PHF14: variants seen among roughly 807,000 people sequenced by gnomAD.
PHF14 encodes PHD finger protein 14.
Under a neutral mutation model 117.9 loss-of-function variants are expected in PHF14, and 55 were observed. The observed-to-expected ratio is 0.47, with a 90% CI of 0.38 to 0.58. PHF14 has a LOEUF of 0.58. PHF14 is among the 20% of genes least tolerant of loss of function. The probability of loss-of-function intolerance (pLI) is 0.00; values close to 1 mark genes in which losing one functional copy is unlikely to be tolerated. For synonymous variants in PHF14, 409 were observed against 368.6 expected (o/e 1.11, Z -1.26); for missense variants, 978 against 1,122.2 (o/e 0.87, Z 1.84).
intron 4 of PHF14, among the ~76,000 whole-genome samples, chr7:11,003,103 G>A (rs1299896920): frequency 1.3e-5 from 2 of 152,146 alleles, no homozygotes; most frequent in Non-Finnish European, 2.9e-5. Flanking sequence ...ACCACACCCA[G>A]CTAATTTCTG....
At chr7:11,073,521 C>G (rs1312099440) in intron 16 of PHF14, among the ~76,000 whole-genome samples, 1 of 152,186 alleles carries the variant, frequency 6.6e-6, no homozygotes, top group Admixed American at 6.5e-5. Flanking sequence ...GATTCAGCCC[C>G]CTTGGCTGCT....
chr7:10,983,830 G>T (rs900525123), intron 3 of PHF14, among the ~76,000 whole-genome samples: 1 of 152,146 alleles, frequency 6.6e-6, no homozygotes, highest in African/African-American at 2.4e-5. Flanking sequence ...CAAAACTGCA[G>T]TAATGGCTCA....
chr7:11,123,366 A>G (rs2128346732), intron 17 of PHF14, among the ~76,000 whole-genome samples: 1 of 152,296 alleles, frequency 6.6e-6, no homozygotes, highest in South Asian at 2.1e-4. Context: ...TAAGTAGTTT[A>G]ACTGACATTT....
At chr7:11,167,958 G>A (rs922924707) in intron 17 of PHF14, among the ~76,000 whole-genome samples, 1 of 151,314 alleles carries the variant, frequency 6.6e-6, no homozygotes, top group African/African-American at 2.4e-5. Context: ...CCTGGGAGGC[G>A]GAGCTTGCAG....
intron 17 of PHF14, among the ~76,000 whole-genome samples, chr7:11,147,307 G>A (rs971926566): frequency 1.9e-4 from 29 of 152,292 alleles, no homozygotes; most frequent in Admixed American, 1.3e-3. Context: ...GCTCAAGGCC[G>A]TCAGGAGTGA....
At chr7:11,056,590 C>G (rs1327548067) in intron 14 of PHF14, among the ~76,000 whole-genome samples, 1 of 151,940 alleles carries the variant, frequency 6.6e-6, no homozygotes, top group Admixed American at 6.6e-5. Flanking sequence ...CCAACAGAAA[C>G]AGATGACACC....
chr7:11,118,510 G>A (rs555433136), intron 17 of PHF14, among the ~76,000 whole-genome samples: 6 of 151,376 alleles, frequency 4.0e-5, no homozygotes, highest in African/African-American at 1.5e-4. Context: ...AATTATAGTT[G>A]GTACTTTGCT....
Position 11,091,583 on chromosome 7 carries a change from C to A in PHF14, c.2655-19767C>A, listed in dbSNP as rs142380251. 9.7e-3 allele frequency among the ~76,000 whole-genome samples: 1,467 copies of A among 151,954 alleles called. 20 individuals are homozygous for A. Among genetic ancestry groups the A allele is most frequent in the African/African-American group, 0.034 (1,392 of 41,420 alleles). On this transcript the variant is annotated intron_variant, in intron 16 of 17. Coordinates refer to ENST00000634607, the MANE Select transcript of PHF14 (RefSeq NM_001007157.2). ...CCAGCCTGGGCAAAATGGTGAAACC[C>A]GTCTCTACTAAAAATACAAGAATTA...
At chr7:11,090,007 G>A (rs1469846150) in intron 16 of PHF14, among the ~76,000 whole-genome samples, 3 of 152,174 alleles carry the variant, frequency 2.0e-5, no homozygotes, top group African/African-American at 7.2e-5. Context: ...CTGACCTCAG[G>A]TGATTCGCCC....
chr7:11,093,011 T>G (rs1264079747), intron 16 of PHF14, among the ~76,000 whole-genome samples: 15 of 152,208 alleles, frequency 9.9e-5, no homozygotes, highest in Admixed American at 9.8e-4. Flanking sequence ...GTGATCTGTT[T>G]TCACTATAGT....
intron 17 of PHF14, among the ~76,000 whole-genome samples, chr7:11,120,673 G>A (rs545810589): frequency 2.6e-5 from 4 of 151,822 alleles, no homozygotes; most frequent in Admixed American, 1.3e-4. Flanking sequence ...TAAATGTACT[G>A]TAGTTAGTAC....
rs116865317 is a variant in PHF14 at position 11,085,670 on chromosome 7, G to C, written c.2654+23585G>C. On this transcript the variant is annotated intron_variant, in intron 16 of 17. Transcript: ENST00000634607. ...TTTTTTTCCTTTTTTTTGAGACAGT[G>C]TCTCACTGTGTTACCCAGGCTGGAG... Among the ~76,000 whole-genome samples the C allele has an allele frequency of 9.9e-3, 1,510 of 151,858 alleles. 16 individuals are homozygous for C. Among genetic ancestry groups the C allele is most frequent in the Non-Finnish European group, 0.016 (1,106 of 67,940 alleles).
intron 17 of PHF14, among the ~76,000 whole-genome samples, chr7:11,134,501 T>C (rs920818861): frequency 6.6e-6 from 1 of 152,068 alleles, no homozygotes; most frequent in African/African-American, 2.4e-5. Flanking sequence ...AAATTGATTT[T>C]ACAGCCACTT....
At chr7:11,137,948 C>G (rs1489740959) in intron 17 of PHF14, among the ~76,000 whole-genome samples, 2 of 151,866 alleles carry the variant, frequency 1.3e-5, no homozygotes, top group African/African-American at 4.8e-5. Context: ...TAGCTCTTTC[C>G]TTGTATAAAG....
chr7:11,049,127 T>G (rs887838484), intron 13 of PHF14, among the ~76,000 whole-genome samples: 5 of 152,142 alleles, frequency 3.3e-5, no homozygotes, highest in African/African-American at 1.2e-4. Context: ...CCTAGGGGAT[T>G]TAGATAACAT....
intron 13 of PHF14, among the ~76,000 whole-genome samples, chr7:11,049,474 C>CAA (rs11342926): frequency 8.2e-5 from 9 of 110,362 alleles, no homozygotes; most frequent in Admixed American, 3.6e-4. Flanking sequence ...GACTGTCTCT[C>CAA]AAAAAAAAAA....
intron 17 of PHF14, among the ~76,000 whole-genome samples, chr7:11,119,734 T>C (rs975077255): frequency 3.3e-5 from 5 of 151,930 alleles, no homozygotes; most frequent in Non-Finnish European, 7.4e-5. Flanking sequence ...ACCTACATAT[T>C]GTGGTTTAAG....
At chr7:11,020,587 C>T (rs531557581) in intron 5 of PHF14, among the ~76,000 whole-genome samples, 2 of 152,218 alleles carry the variant, frequency 1.3e-5, no homozygotes, top group East Asian at 3.9e-4. Context: ...CCATGTTGCG[C>T]AGGCTGGTCT....
intron 4 of PHF14, among the ~76,000 whole-genome samples, chr7:11,002,597 A>T (rs945070109): frequency 6.6e-6 from 1 of 151,804 alleles, no homozygotes; most frequent in African/African-American, 2.4e-5. Flanking sequence ...ATGCGCCACC[A>T]CGCCCAGCTA....
Sources: gnomAD v4.1 joint callset for allele counts (sites outside exome capture counted in the v4.1 genomes callset) on GRCh38, gnomAD v4.1.1 for gene constraint, MANE v1.5 for transcripts, NCBI Gene and HGNC (gene_info 2026-07-23, HGNC 2026-07-21) for gene names.